FBXL20: variants seen among roughly 807,000 people sequenced by gnomAD.
FBXL20 encodes the protein F-box/LRR-repeat protein 20.
A neutral mutation model predicts 64.0 loss-of-function variants in FBXL20; 11 were observed. The ratio of observed to expected loss-of-function variants is 0.17; its 90% confidence interval spans 0.11 to 0.28. The LOEUF (loss-of-function observed/expected upper bound fraction) is 0.28. Among genes scored for constraint, FBXL20 ranks in the 10% least tolerant of loss-of-function variants. The probability of loss-of-function intolerance (pLI) is 1.00; values close to 1 mark genes in which losing one functional copy is unlikely to be tolerated. For synonymous variants in FBXL20, 184 were observed against 189.0 expected, an observed-to-expected ratio of 0.97 and a Z score of 0.22; for missense variants, 303 against 526.2, an observed-to-expected ratio of 0.58 and a Z score of 4.15.
chr17:39,386,024 C>CAAAAAA (rs35967171), intron 1 of FBXL20, among the ~76,000 whole-genome samples: 1 of 39,630 alleles, frequency 2.5e-5, no homozygotes, highest in African/African-American at 9.8e-5. Flanking sequence ...GATTCCGTCT[C>CAAAAAA]AAAAAAAAAA....
At chr17:39,398,048 G>GGGGGGGGGGGGGGGGGGGGGGGGA (rs2048203029) in intron 1 of FBXL20, among the ~76,000 whole-genome samples, 1 of 56,094 alleles carries the variant, frequency 1.8e-5, no homozygotes, top group Non-Finnish European at 3.5e-5. Context: ...GGCGGGGGGG[G>GGGGGGGGGGGGGGGGGGGGGGGGA]GGGGGGGGTT....
rs2302073 is a variant in FBXL20 at position 39,301,089 on chromosome 17, A to G, written c.160-14T>C. 268,205 of 1,610,304 alleles carry G rather than the reference A, an allele frequency of 0.17. 25,121 individuals carry two copies. Among genetic ancestry groups the G allele is most frequent in the African/African-American group, 0.37 (27,345 of 74,834 alleles). ...AACATTCCAGGCCTATTTTAAAGAA[A>G]AAGAGACAGAATGAGCAGAAGCTAA... On this transcript the variant is annotated splice_polypyrimidine_tract_variant and intron_variant, in intron 3 of 14. Coordinates refer to ENST00000264658, the MANE Select transcript of FBXL20 (RefSeq NM_032875.3).
intron 1 of FBXL20, among the ~76,000 whole-genome samples, chr17:39,351,530 T>C (rs1243952159): frequency 1.3e-5 from 2 of 152,176 alleles, no homozygotes; most frequent in East Asian, 3.8e-4. Flanking sequence ...AGGTTTCTCA[T>C]TCAAAAATAT....
intron 1 of FBXL20, among the ~76,000 whole-genome samples, chr17:39,388,559 T>C (rs55728219): frequency 3.3e-5 from 5 of 150,336 alleles, no homozygotes; most frequent in African/African-American, 9.8e-5. Context: ...TCTCAGCTCA[T>C]TGCAACCTCC....
chr17:39,319,559 C>T (rs2047330986), intron 2 of FBXL20, among the ~76,000 whole-genome samples: 1 of 150,100 alleles, frequency 6.7e-6, no homozygotes, highest in African/African-American at 2.5e-5. Flanking sequence ...GTGGTAGGCA[C>T]TTGTAATCCC....
chr17:39,281,622 ATTC>A (rs1463810802), intron 8 of FBXL20, among the ~76,000 whole-genome samples, 159 bp from the exon 9 acceptor site: 1 of 152,216 alleles, frequency 6.6e-6, no homozygotes, highest in Non-Finnish European at 1.5e-5. Flanking sequence ...TAACAGTATA[ATTC>A]TTATTATGAT....
Position 39,374,775 on chromosome 17 carries a change from G to A in FBXL20, c.42+26586C>T, listed in dbSNP as rs1295144025. Reference sequence around the variant, plus strand: ...GACAGAATTTAAGCGGACAGCTCAAGCTACTTTTCTTTTCTTTTCTTTTTT... The same window carrying A: ...GACAGAATTTAAGCGGACAGCTCAAACTACTTTTCTTTTCTTTTCTTTTTT... On this transcript the variant is annotated intron_variant, in intron 1 of 14. Transcript: ENST00000264658. Among the ~76,000 whole-genome samples the A allele has an allele frequency of 2.0e-5, 3 of 151,986 alleles. No individual in the cohort carries two copies. The East Asian group carries it at 5.8e-4, about 29-fold the overall frequency.
chr17:39,286,809 T>A (rs982479116), intron 6 of FBXL20, among the ~76,000 whole-genome samples: 38 of 151,194 alleles, frequency 2.5e-4, no homozygotes, highest in East Asian at 1.4e-3. Flanking sequence ...AAAAAAAAAA[T>A]TTTTTTTATG....
chr17:39,397,535 A>G (rs1343133502), intron 1 of FBXL20, among the ~76,000 whole-genome samples: 1 of 152,188 alleles, frequency 6.6e-6, no homozygotes, highest in African/African-American at 2.4e-5. Flanking sequence ...TAAAGAAGCT[A>G]CTAAGAGCAT....
chr17:39,320,877 G>C (rs144327657), intron 2 of FBXL20, among the ~76,000 whole-genome samples: 3 of 152,158 alleles, frequency 2.0e-5, no homozygotes, highest in Non-Finnish European at 2.9e-5. Context: ...ACTACAAGCC[G>C]TGCTCGGCCC....
Position 39,393,938 on chromosome 17 carries a change from T to C in FBXL20, c.42+7423A>G, listed in dbSNP as rs563107235. Among the ~76,000 whole-genome samples the C allele has an allele frequency of 9.2e-5, 14 of 152,336 alleles. No homozygotes were observed. In the South Asian group the frequency reaches 2.5e-3, roughly 27 times the overall value. On this transcript the variant is annotated intron_variant, in intron 1 of 14. Transcript: ENST00000264658. The stretch of plus-strand genomic sequence containing the variant: ...TTGCACAGTTCAATACCACCACCTA[T>C]TGTTAGTTGCTGTCAAGTAAAAATG...
At chr17:39,297,055 GC>G in intron 6 of FBXL20, 71 bp downstream of exon 6, 1 of 1,031,176 alleles carries the variant, frequency 9.7e-7, no homozygotes, top group Non-Finnish European at 1.4e-6. Flanking sequence ...AGAGTTAATG[GC>G]CTGAATTTAA....
At chr17:39,274,436 C>T (rs536507790) in intron 10 of FBXL20, among the ~76,000 whole-genome samples, 1 of 152,100 alleles carries the variant, frequency 6.6e-6, no homozygotes, top group Non-Finnish European at 1.5e-5. Flanking sequence ...AGGTTTGAGG[C>T]CAGCCTGAGC....
intron 1 of FBXL20, among the ~76,000 whole-genome samples, chr17:39,346,012 C>CA (rs2047629499): frequency 6.6e-6 from 1 of 151,582 alleles, no homozygotes; most frequent in Admixed American, 6.6e-5. Flanking sequence ...CCTGTCTCTA[C>CA]AAAAAACACA....
intron 1 of FBXL20, among the ~76,000 whole-genome samples, chr17:39,358,255 C>G (rs2047761241): frequency 6.6e-6 from 1 of 152,160 alleles, no homozygotes; most frequent in African/African-American, 2.4e-5. Flanking sequence ...ATGATGCTGG[C>G]CCACACTGGT....
intron 2 of FBXL20, among the ~76,000 whole-genome samples, chr17:39,327,723 C>T (rs761869153): frequency 3.1e-4 from 47 of 152,030 alleles, no homozygotes; most frequent in Non-Finnish European, 5.0e-4. Flanking sequence ...TTTTTCAAGA[C>T]GGAATCTCGC....
At chr17:39,302,653 G>GT (rs1360773323) in intron 3 of FBXL20, among the ~76,000 whole-genome samples, 1 of 152,128 alleles carries the variant, frequency 6.6e-6, no homozygotes, top group African/African-American at 2.4e-5. Context: ...GATTACAGGC[G>GT]TGAGCCACTG....
chr17:39,358,965 T>A (rs2047767946), intron 1 of FBXL20, among the ~76,000 whole-genome samples: 1 of 152,050 alleles, frequency 6.6e-6, no homozygotes, highest in Non-Finnish European at 1.5e-5. Flanking sequence ...ATGCTAAACA[T>A]CACTAATCAT....
At chr17:39,396,883 G>A (rs113825099) in intron 1 of FBXL20, among the ~76,000 whole-genome samples, 47,608 of 150,714 alleles carry the variant, frequency 0.32, 8,421 homozygotes, top group African/African-American at 0.48. Flanking sequence ...CGTGAACCTG[G>A]GAGGCGGAGT....
Sources: gnomAD v4.1 joint callset for allele counts (sites outside exome capture counted in the v4.1 genomes callset) on GRCh38, gnomAD v4.1.1 for gene constraint, MANE v1.5 for transcripts, NCBI Gene and HGNC (gene_info 2026-07-23, HGNC 2026-07-21) for gene names.